Variants in CORO2B observed in about 807,000 individuals in gnomAD.
The protein encoded by CORO2B is coronin 2B.
In CORO2B, 26 loss-of-function variants were observed where a neutral mutation model predicts 58.8. The observed-to-expected ratio is 0.44, with a 90% CI of 0.32 to 0.61. CORO2B has a LOEUF of 0.61. Ranked by LOEUF, CORO2B falls within the 20% of genes least tolerant of loss-of-function variation. The probability of loss-of-function intolerance (pLI) is 0.04; values close to 1 mark genes in which losing one functional copy is unlikely to be tolerated. For missense variants in CORO2B, 460 were observed against 645.1 expected, an observed-to-expected ratio of 0.71 and a Z score of 3.11; for synonymous variants, 242 against 253.8, an observed-to-expected ratio of 0.95 and a Z score of 0.44.
chr15:68,587,049 TACACACACACACAC>T (rs58729813), intron 1 of CORO2B, among the ~76,000 whole-genome samples: 43 of 57,932 alleles, frequency 7.4e-4, no homozygotes, highest in Middle Eastern at 0.014. Context: ...GAGATATGTA[TACACACACACACAC>T]ACACACACAC....
the CORO2B span, among the ~76,000 whole-genome samples, chr15:68,531,607 A>T: frequency 6.8e-6 from 1 of 146,746 alleles, no homozygotes; most frequent in African/African-American, 2.5e-5. Context: ...GGAAGGAAGG[A>T]AGGGAAGGAG....
chr15:68,651,612 GA>G (rs1901645093), intron 2 of CORO2B, among the ~76,000 whole-genome samples: 5 of 152,198 alleles, frequency 3.3e-5, no homozygotes, highest in Admixed American at 1.3e-4. Context: ...TCCCTACGCT[GA>G]ATGGCTCCAG....
intron 2 of CORO2B, among the ~76,000 whole-genome samples, chr15:68,674,360 C>T (rs181161313): frequency 2.4e-4 from 36 of 152,346 alleles, no homozygotes; most frequent in Admixed American, 2.4e-3. Flanking sequence ...ACAGACGAGG[C>T]CATCAGAATG....
Position 68,645,989 on chromosome 15 carries a change from G to C in CORO2B, c.216+629G>C, listed in dbSNP as rs990903421. Among the ~76,000 whole-genome samples, 1 of 151,956 alleles carries C rather than the reference G, an allele frequency of 6.6e-6. No homozygotes were observed. On this transcript the variant is annotated intron_variant, in intron 2 of 11. Transcript: ENST00000261861. The surrounding 1 kb of genome is among the most constrained non-coding windows in gnomAD (Gnocchi z 4.5). Reference sequence around the variant, plus strand: ...GGGTTTCACCATGTTGGTCAGGCTGGTCTCGAAATCCTGACCTCAGGTGAT... The same window carrying C: ...GGGTTTCACCATGTTGGTCAGGCTGCTCTCGAAATCCTGACCTCAGGTGAT...
intron 8 of CORO2B, among the ~76,000 whole-genome samples, chr15:68,715,802 C>T (rs1048613170): frequency 2.6e-5 from 4 of 152,222 alleles, no homozygotes; most frequent in African/African-American, 9.6e-5. Flanking sequence ...AGAGAGGGCT[C>T]TGGGATTGAC....
chr15:68,604,776 G>A (rs552036985), intron 1 of CORO2B, among the ~76,000 whole-genome samples: 1 of 152,286 alleles, frequency 6.6e-6, no homozygotes, highest in South Asian at 2.1e-4. Context: ...TTTCTAGATT[G>A]TGCATTTTTT....
chr15:68,675,749 A>G (rs1183854871), intron 2 of CORO2B, among the ~76,000 whole-genome samples: 2 of 152,178 alleles, frequency 1.3e-5, no homozygotes, highest in Non-Finnish European at 2.9e-5. Flanking sequence ...TTCTCTGTAA[A>G]TGTTAGCTGC....
chr15:68,555,922 C>T, the CORO2B span, among the ~76,000 whole-genome samples: 202 of 152,290 alleles, frequency 1.3e-3, no homozygotes, highest in African/African-American at 4.5e-3. Context: ...CTGGCCCCTC[C>T]CTCTGTGTGA....
intron 1 of CORO2B, among the ~76,000 whole-genome samples, chr15:68,615,362 C>T (rs891832981): frequency 2.6e-5 from 4 of 152,196 alleles, no homozygotes; most frequent in African/African-American, 4.8e-5. Flanking sequence ...AGGTCTTGCT[C>T]CTCTCTGTGT....
At chr15:68,666,960 G>C (rs899738033) in intron 2 of CORO2B, among the ~76,000 whole-genome samples, 4 of 152,022 alleles carry the variant, frequency 2.6e-5, no homozygotes, top group African/African-American at 7.2e-5. Context: ...TTTGGCTCTG[G>C]GCTCCTTCCT....
At chr15:68,599,652 A>G (rs913132829) in intron 1 of CORO2B, among the ~76,000 whole-genome samples, 6 of 152,092 alleles carry the variant, frequency 3.9e-5, no homozygotes, top group African/African-American at 1.4e-4. Context: ...GGAATTCTAA[A>G]GGAGGGAATG....
chr15:68,664,184 C>G (rs893707962), intron 2 of CORO2B, among the ~76,000 whole-genome samples: 1 of 152,048 alleles, frequency 6.6e-6, no homozygotes, highest in Non-Finnish European at 1.5e-5. Context: ...CAGCTAAGAT[C>G]TCTGTAATTT....
intron 2 of CORO2B, among the ~76,000 whole-genome samples, chr15:68,649,081 G>C (rs897230584): frequency 3.3e-5 from 5 of 152,084 alleles, no homozygotes; most frequent in African/African-American, 1.2e-4. Context: ...TTCTGTAATG[G>C]TAACAAAATG....
chr15:68,692,564 G>A (rs983992148), intron 2 of CORO2B, among the ~76,000 whole-genome samples: 4 of 149,734 alleles, frequency 2.7e-5, no homozygotes, highest in Admixed American at 6.7e-5. Context: ...CAGCCTGGGC[G>A]ACAGAGTGAG....
intron 1 of CORO2B, among the ~76,000 whole-genome samples, chr15:68,623,687 T>C (rs1298022339): frequency 6.6e-6 from 1 of 152,178 alleles, no homozygotes; most frequent in Non-Finnish European, 1.5e-5. Flanking sequence ...TCCAGGAGCC[T>C]GTTGCTCCCA....
At chr15:68,580,236 C>A (rs1483822490) in intron 1 of CORO2B, among the ~76,000 whole-genome samples, 3 of 152,214 alleles carry the variant, frequency 2.0e-5, no homozygotes, top group Admixed American at 6.5e-5. Context: ...TGTCTGGGTA[C>A]TGAGCTCACA....
chr15:68,579,976 AG>A (rs1190518261), intron 1 of CORO2B, among the ~76,000 whole-genome samples: 2 of 152,300 alleles, frequency 1.3e-5, no homozygotes, highest in East Asian at 3.9e-4. Flanking sequence ...TCCTAGTTGT[AG>A]GGAGGAAAGA....
At chr15:68,572,959 C>T in the CORO2B span, among the ~76,000 whole-genome samples, 1 of 152,142 alleles carries the variant, frequency 6.6e-6, no homozygotes, top group Non-Finnish European at 1.5e-5. Context: ...TGGTTCATTT[C>T]CACACATGCA....
At chr15:68,600,633 A>G (rs562361264) in intron 1 of CORO2B, among the ~76,000 whole-genome samples, 2 of 152,292 alleles carry the variant, frequency 1.3e-5, no homozygotes, top group East Asian at 3.9e-4. Context: ...CCTTGTGCCC[A>G]CTATGACCAT....
Sources: gnomAD v4.1 joint callset for allele counts (sites outside exome capture counted in the v4.1 genomes callset) on GRCh38, gnomAD v4.1.1 for gene constraint, Gnocchi (gnomAD v3.1) non-coding constraint, MANE v1.5 for transcripts, NCBI Gene and HGNC (gene_info 2026-07-23, HGNC 2026-07-21) for gene names.